Variants in DAB1 observed in about 807,000 individuals in gnomAD.
DAB1 encodes DAB adaptor protein 1.
Under a neutral mutation model 64.6 loss-of-function variants are expected in DAB1, and 15 were observed. The ratio of observed to expected loss-of-function variants is 0.23; its 90% CI spans 0.16 to 0.36. DAB1 has a LOEUF of 0.36. Among genes scored for constraint, DAB1 ranks in the 10% least tolerant of loss-of-function variants. The probability of loss-of-function intolerance (pLI) is 1.00; values close to 1 mark genes in which losing one functional copy is unlikely to be tolerated. For missense variants in DAB1, 596 were observed against 706.7 expected (o/e 0.84, Z 1.78); for synonymous variants, 235 against 251.9 (o/e 0.93, Z 0.64).
chr1:57,179,139 C>T (rs147092876), intron 2 of DAB1, among the ~76,000 whole-genome samples: 88 of 152,274 alleles, frequency 5.8e-4, no homozygotes, highest in African/African-American at 2.0e-3. Context: ...TATTCAGACT[C>T]ATGCAGCAAA....
chr1:57,072,470 TG>T, intron 4 of DAB1, 56 bp from the exon 5 acceptor site: 4 of 1,590,322 alleles, frequency 2.5e-6, no homozygotes, highest in Non-Finnish European at 3.4e-6. Flanking sequence ...TTCGAGCTGT[TG>T]ATCAATAAGA....
At chr1:58,470,997 T>C (rs555724759) in intron 3 of DAB1, among the ~76,000 whole-genome samples, 1 of 152,352 alleles carries the variant, frequency 6.6e-6, no homozygotes, top group South Asian at 2.1e-4. Flanking sequence ...TTTAATTTTT[T>C]TAAGTCCTGG....
At chr1:57,768,006 G>A (rs1008165949) in intron 6 of DAB1, among the ~76,000 whole-genome samples, 32 of 151,398 alleles carry the variant, frequency 2.1e-4, no homozygotes, top group Non-Finnish European at 4.3e-4. Flanking sequence ...GCAAAACCCC[G>A]TCTCAACTAA....
intron 7 of DAB1, among the ~76,000 whole-genome samples, chr1:57,543,496 A>C (rs368867103): frequency 2.0e-5 from 3 of 152,230 alleles, no homozygotes; most frequent in East Asian, 3.8e-4. Context: ...GATAAATTAA[A>C]CATTGTACCT....
chr1:57,785,201 T>C (rs1301636658), intron 6 of DAB1, among the ~76,000 whole-genome samples: 2 of 152,168 alleles, frequency 1.3e-5, no homozygotes, highest in African/African-American at 4.8e-5. Flanking sequence ...AGAAAAAAGA[T>C]ATCTTTCAAA....
intron 1 of DAB1, among the ~76,000 whole-genome samples, chr1:57,331,138 T>C (rs1229397422): frequency 1.3e-5 from 2 of 152,170 alleles, no homozygotes; most frequent in Non-Finnish European, 2.9e-5. Flanking sequence ...GTAAATGCTA[T>C]ATTGTATTTT....
At chr1:57,933,959 G>C (rs533813452) in intron 5 of DAB1, among the ~76,000 whole-genome samples, 1 of 151,432 alleles carries the variant, frequency 6.6e-6, no homozygotes, top group African/African-American at 2.4e-5. Flanking sequence ...GCAGTGGCGC[G>C]ATCTTGGCTC....
chr1:57,114,637 T>A lies in DAB1; in HGVS notation c.306+21906A>T, dbSNP rs1655950999. On this transcript the variant is annotated intron_variant, in intron 4 of 14. Transcript: ENST00000371236. ...AAGGTGAGGCTTTACCAAGGCCAGC[T>A]CTCCAGGGACTACATAAGCTCCTGC... 2.0e-5 allele frequency among the ~76,000 whole-genome samples: 3 copies of A among 152,194 alleles called. 1 individual carries two copies. The highest frequency in any genetic ancestry group is 4.4e-5 in the Non-Finnish European group (3 of 68,028).
intron 7 of DAB1, among the ~76,000 whole-genome samples, chr1:57,632,139 T>A (rs928440061): frequency 3.9e-5 from 6 of 152,198 alleles, no homozygotes; most frequent in African/African-American, 1.4e-4. Context: ...GAATTAAATA[T>A]TAGAGAGTCT....
At chr1:57,731,990 C>G (rs1389222954) in intron 6 of DAB1, among the ~76,000 whole-genome samples, 1 of 152,032 alleles carries the variant, frequency 6.6e-6, no homozygotes, top group East Asian at 1.9e-4. Flanking sequence ...GTCTCCAGGA[C>G]TTCATGTGAT....
At position 57,796,452 on chromosome 1, in the gene DAB1, G is replaced by A. The variant is rs531531355; in HGVS notation, n.551+87547C>T. 1.1e-4 allele frequency among the ~76,000 whole-genome samples: 16 copies of A among 152,078 alleles called. No individual in the cohort carries two copies. In the East Asian group the frequency reaches 2.7e-3, roughly 26 times the overall value. The stretch of plus-strand genomic sequence containing the variant: ...TGAGGCAGGAGAACGGCATGAACCC[G>A]GGAGGTGGAGCTTCCAGCGAGCTGA... On this transcript the variant is annotated intron_variant and non_coding_transcript_variant, in intron 6 of 20. Transcript: ENST00000485760.
intron 3 of DAB1, among the ~76,000 whole-genome samples, chr1:58,365,634 T>C (rs1165058152): frequency 6.6e-6 from 1 of 152,176 alleles, no homozygotes; most frequent in Non-Finnish European, 1.5e-5. Context: ...TGCCTCAACC[T>C]CCTTCTTTTC....
intron 2 of DAB1, among the ~76,000 whole-genome samples, chr1:57,233,708 G>C (rs1160396772): frequency 2.0e-5 from 3 of 151,532 alleles, no homozygotes; most frequent in Non-Finnish European, 4.4e-5. Flanking sequence ...TCAGTGAGCC[G>C]AGATCGTGCC....
chr1:58,208,048 GA>G (rs1308707215), intron 4 of DAB1, among the ~76,000 whole-genome samples: 2 of 151,764 alleles, frequency 1.3e-5, no homozygotes, highest in African/African-American at 4.8e-5. Context: ...AAAATGAGGG[GA>G]AAGTCCCTTA....
intron 1 of DAB1, among the ~76,000 whole-genome samples, chr1:57,854,032 CTA>C (rs1653647537): frequency 6.6e-6 from 1 of 152,090 alleles, no homozygotes. Flanking sequence ...TTAAATGCCT[CTA>C]TGCTGCAAAT....
intron 4 of DAB1, among the ~76,000 whole-genome samples, chr1:57,090,180 T>C (rs902925200): frequency 2.0e-5 from 3 of 152,172 alleles, no homozygotes; most frequent in African/African-American, 7.2e-5. Context: ...GTGAAGCTTA[T>C]CAAAGAGATG....
At chr1:57,729,065 T>C (rs1647300470) in intron 6 of DAB1, among the ~76,000 whole-genome samples, 1 of 152,226 alleles carries the variant, frequency 6.6e-6, no homozygotes, top group African/African-American at 2.4e-5. Context: ...ACCTAATGTA[T>C]AATTTTACAT....
At chr1:57,375,584 C>T (rs552660523) in intron 1 of DAB1, among the ~76,000 whole-genome samples, 100 of 152,264 alleles carry the variant, frequency 6.6e-4, no homozygotes, top group African/African-American at 2.3e-3. Flanking sequence ...GGCTACTAAA[C>T]ATAAGGGCCA....
At chr1:58,209,991 T>C (rs1380315461) in intron 4 of DAB1, among the ~76,000 whole-genome samples, 2 of 152,192 alleles carry the variant, frequency 1.3e-5, no homozygotes, top group Non-Finnish European at 2.9e-5. Context: ...CTTCTCCTAA[T>C]GAGGAGAATT....
Sources: gnomAD v4.1 joint callset for allele counts (sites outside exome capture counted in the v4.1 genomes callset) on GRCh38, gnomAD v4.1.1 for gene constraint, MANE v1.5 for transcripts, NCBI Gene and HGNC (gene_info 2026-07-23, HGNC 2026-07-21) for gene names.